The following AGXT variants were observed in gnomAD, a reference collection of about 807,000 sequenced individuals.
AGXT encodes alanine--glyoxylate aminotransferase.
AGXT carries 41 observed loss-of-function variants against 46.9 expected under a neutral mutation model. That is an observed-to-expected ratio of 0.88 (90% confidence interval 0.68 to 1.14). The LOEUF is 1.14. Ranked by LOEUF, AGXT falls within the 50% of genes most tolerant of loss-of-function variation. The probability of loss-of-function intolerance (pLI) is 0.00; values close to 1 mark genes in which losing one functional copy is unlikely to be tolerated. For missense variants in AGXT, 525 were observed against 522.7 expected, an observed-to-expected ratio of 1.00 and a Z score of -0.04; for synonymous variants, 244 against 227.9, an observed-to-expected ratio of 1.07 and a Z score of -0.64.
In AGXT at chr2:240,868,971, C is replaced by G; in HGVS notation, c.106C>G (p.Arg36Gly). The change falls in exon 1 of 11, where the codon CGC becomes GGC. Residue 36 changes from arginine (R) to glycine (G), a missense_variant. By Grantham distance (125) the Arg-to-Gly change is moderately radical. Transcript: ENST00000307503. Reference protein sequence around the residue: ...LGPGPSNLPPRIMAAGGLQMI... With the variant: ...LGPGPSNLPPGIMAAGGLQMI... Reference sequence around the variant, plus strand: ...GCCTGGTCCTTCCAACCTGCCTCCTCGCATCATGGCAGCCGGGGGGCTGCA... The same window carrying G: ...GCCTGGTCCTTCCAACCTGCCTCCTGGCATCATGGCAGCCGGGGGGCTGCA... 6.2e-7 allele frequency: 1 copy of G among 1,609,212 alleles called. No homozygotes were observed. Among genetic ancestry groups the G allele is most frequent in the Admixed American group, 1.7e-5 (1 of 59,922 alleles).
chr2:240,870,786 G>C, intron 3 of AGXT, 78 bp downstream of exon 3: 1 of 1,413,032 alleles, frequency 7.1e-7, no homozygotes, highest in South Asian at 1.2e-5. Flanking sequence ...CCTGGAATTG[G>C]CCAGCCAGCA....
At chr2:240,871,128 G>A (rs1161241424) in intron 3 of AGXT, 2 of 613,344 alleles carry the variant, frequency 3.3e-6, no homozygotes, top group Non-Finnish European at 5.9e-6. Flanking sequence ...AACAGGCTGG[G>A]GGCACCCTCC....
At position 240,869,049 on chromosome 2, in the gene AGXT, CG is replaced by C. The variant is rs2058976841; in HGVS notation, c.165+25del. The C allele has an allele frequency of 1.9e-6, 3 of 1,611,212 alleles. No homozygotes were observed. Among genetic ancestry groups the C allele is most frequent in the East Asian group, 4.5e-5 (2 of 44,852 alleles). On this transcript the variant is annotated intron_variant, in intron 1 of 10. Coordinates refer to ENST00000307503, the MANE Select transcript of AGXT (RefSeq NM_000030.3). ...GTACCAGGTAGGAGTGGGGGTCACT[CG>C]GGGGGCCTGGGTCTCACCCATGTTC...
chr2:240,872,732 G>T (rs1029358221), intron 4 of AGXT, among the ~76,000 whole-genome samples: 1 of 152,078 alleles, frequency 6.6e-6, no homozygotes, highest in Non-Finnish European at 1.5e-5. Context: ...CACCAGGGCC[G>T]TGATGCTCCC....
At chr2:240,877,144 G>A (rs1223657071) in intron 8 of AGXT, 8 of 405,500 alleles carry the variant, frequency 2.0e-5, no homozygotes, top group East Asian at 1.3e-4. Context: ...ATGCCAGGTC[G>A]GGGGAGCTGG....
chr2:240,872,836 G>T, intron 4 of AGXT, 143 bp from the exon 5 acceptor site: 1 of 728,008 alleles, frequency 1.4e-6, no homozygotes. Flanking sequence ...GAAGGCAACT[G>T]GCCAACTCCT....
chr2:240,878,655 G>A lies in AGXT; in HGVS notation c.1072-59G>A. The A allele has an allele frequency of 2.0e-6, 3 of 1,496,584 alleles. No homozygotes were observed. In the South Asian group the frequency reaches 3.6e-5, roughly 18 times the overall value. The allele number at this position is 1,496,584 out of a possible 1,614,324, so 92.7% of individuals were successfully genotyped here. On this transcript the variant is annotated intron_variant, in intron 10 of 10. Transcript: ENST00000307503. ...CCATCCTGGCTCTGGCCAGCTGTCG[G>A]TCAGGGTCAGGCAGGTCCCAGGCGG...
At chr2:240,877,164 G>T in intron 8 of AGXT, 1 of 439,696 alleles carries the variant, frequency 2.3e-6, no homozygotes, top group Non-Finnish European at 4.5e-6. Context: ...GCCCTGAGAG[G>T]AGAGGGGGCC....
intron 8 of AGXT, 156 bp from the exon 9 acceptor site, chr2:240,877,380 TC>T: frequency 1.4e-6 from 1 of 729,876 alleles, no homozygotes; most frequent in South Asian, 1.5e-5. Context: ...CCTGGGGTAG[TC>T]CCAGGCCCTG....
At position 240,879,925 on chromosome 2, in the gene AGXT, T is replaced by G. The variant is rs920476082; in HGVS notation, c.*1104T>G. On this transcript the variant is annotated 3_prime_UTR_variant, in exon 11 of 11. Transcript: ENST00000307503. Reference sequence around the variant, plus strand: ...GTCGTGGGCGCCGGTGTGTCTTTGTTGCTGAGTGCCGTCCCGTCATATGGA... The same window carrying G: ...GTCGTGGGCGCCGGTGTGTCTTTGTGGCTGAGTGCCGTCCCGTCATATGGA... 7.2e-5 allele frequency: 11 copies of G among 151,796 alleles called. No individual in the cohort carries two copies. The highest frequency in any genetic ancestry group is 2.7e-4 in the African/African-American group (11 of 41,084). 9.4% of individuals were successfully genotyped at this position (151,796 alleles called of 1,614,324 possible).
At chr2:240,876,595 G>A (rs1037056001) in intron 8 of AGXT, among the ~76,000 whole-genome samples, 14 of 152,210 alleles carry the variant, frequency 9.2e-5, no homozygotes, top group Non-Finnish European at 1.9e-4. Flanking sequence ...GTCCCACAGG[G>A]CCCATTGCCA....
chr2:240,873,770 C>A lies in AGXT; in HGVS notation c.596-208C>A, dbSNP rs13423821. ...ACCAGCACAGCAGAGGGAGAAGCTG[C>A]GCTAAAACGCTCAGGCCTGAGGTCA... On this transcript the variant is annotated intron_variant, in intron 5 of 10. Coordinates refer to ENST00000307503, the MANE Select transcript of AGXT (RefSeq NM_000030.3). Among the ~76,000 whole-genome samples, 9 of 152,270 alleles carry A rather than the reference C, an allele frequency of 5.9e-5. No individual in the cohort carries two copies. The South Asian group carries it at 1.9e-3, about 32-fold the overall frequency.
intron 8 of AGXT, among the ~76,000 whole-genome samples, chr2:240,876,320 G>C (rs1559570940): frequency 6.6e-6 from 1 of 152,204 alleles, no homozygotes; most frequent in Non-Finnish European, 1.5e-5. Flanking sequence ...GAAGGGGCCA[G>C]AGATGTGCCC....
Position 240,870,363 on chromosome 2 carries a change from C to G in AGXT, c.359-281C>G, listed in dbSNP as rs143530713. 5.0e-3 allele frequency among the ~76,000 whole-genome samples: 761 copies of G among 152,276 alleles called. 3 individuals carry two copies. Among genetic ancestry groups the G allele is most frequent in the Non-Finnish European group, 9.0e-3 (613 of 68,016 alleles). Reference sequence around the variant, plus strand: ...AGCTCACTCTCTGCTTGGGGAGGCACTGGTCAGTGTGGCCTGAGAAAGGGC... The same window carrying G: ...AGCTCACTCTCTGCTTGGGGAGGCAGTGGTCAGTGTGGCCTGAGAAAGGGC... On this transcript the variant is annotated intron_variant, in intron 2 of 10. Transcript: ENST00000307503.
At chr2:240,877,413 G>A (rs1236264119) in intron 8 of AGXT, 124 bp from the exon 9 acceptor site, 2 of 928,764 alleles carry the variant, frequency 2.2e-6, no homozygotes, top group African/African-American at 1.6e-5. Context: ...GTCAAACTGG[G>A]GGCTCCAGGG....
chr2:240,871,228 G>A, intron 3 of AGXT, 121 bp from the exon 4 acceptor site: 1 of 817,618 alleles, frequency 1.2e-6, no homozygotes, highest in South Asian at 1.4e-5. Context: ...ACACCATCAG[G>A]GAGGAGTAGA....
At position 240,869,272 on chromosome 2, in the gene AGXT, C is replaced by A; in HGVS notation, c.268C>A (p.Leu90Met). Residue 90 changes from leucine to methionine, a missense_variant, in exon 2 of 11, where the codon CTG (leucine) becomes ATG (methionine). Physicochemically the swap from Leu to Met is conservative, Grantham distance 15. Coordinates refer to ENST00000307503, the MANE Select transcript of AGXT (RefSeq NM_000030.3). ...GGGACACTGTGCCCTGGAGGCCGCCCTGGTCAATGTGCTGGAGCCTGGGGA... is the reference window on the plus strand; with the variant it reads ...GGGACACTGTGCCCTGGAGGCCGCCATGGTCAATGTGCTGGAGCCTGGGGA... Reference protein sequence around the residue: ...GSGHCALEAALVNVLEPGDSF... With the variant: ...GSGHCALEAAMVNVLEPGDSF... 2.5e-6 allele frequency: 4 copies of A among 1,613,790 alleles called. No homozygotes were observed. The highest frequency in any genetic ancestry group is 3.4e-6 in the Non-Finnish European group (4 of 1,179,992).
chr2:240,877,479 C>T (rs922305032), intron 8 of AGXT, 58 bp from the exon 9 acceptor site: 45 of 1,441,510 alleles, frequency 3.1e-5, no homozygotes, highest in South Asian at 6.4e-5. Flanking sequence ...CCACAGAGGG[C>T]GGGGCTTCCT....
chr2:240,874,682 G>C (rs1157949317), intron 6 of AGXT, among the ~76,000 whole-genome samples: 1 of 152,238 alleles, frequency 6.6e-6, no homozygotes, highest in Non-Finnish European at 1.5e-5. Flanking sequence ...TGAGTCAGGA[G>C]CCTGGGGAGA....
Sources: gnomAD v4.1 joint callset for allele counts (sites outside exome capture counted in the v4.1 genomes callset) on GRCh38, gnomAD v4.1.1 for gene constraint, MANE v1.5 for transcripts, NCBI Gene and HGNC (gene_info 2026-07-23, HGNC 2026-07-21) for gene names.